CCSER1: variants seen among roughly 807,000 people sequenced by gnomAD.
CCSER1 encodes serine-rich coiled-coil domain-containing protein 1.
CCSER1 carries 41 observed loss-of-function variants against 82.0 expected under a neutral mutation model. The observed-to-expected ratio is 0.50, with a 90% CI of 0.39 to 0.65. The LOEUF is 0.65. Ranked by LOEUF, CCSER1 falls within the 30% of genes least tolerant of loss-of-function variation. The probability of loss-of-function intolerance (pLI) is 0.00; values close to 1 mark genes in which losing one functional copy is unlikely to be tolerated. For missense variants in CCSER1, 1,119 were observed against 1,064.2 expected (o/e 1.05, Z -0.72); for synonymous variants, 414 against 383.9 (o/e 1.08, Z -0.92).
intron 9 of CCSER1, among the ~76,000 whole-genome samples, chr4:90,947,595 C>T (rs928673965): frequency 8.5e-5 from 13 of 152,116 alleles, no homozygotes; most frequent in Non-Finnish European, 1.5e-4. Flanking sequence ...AGTCCTATTC[C>T]AGCTTATTTT....
At chr4:91,591,562 G>A (rs1299801735) in intron 10 of CCSER1, among the ~76,000 whole-genome samples, 2 of 152,214 alleles carry the variant, frequency 1.3e-5, no homozygotes, top group Admixed American at 1.3e-4. Context: ...GTCAGTTGCT[G>A]AGTTTTTATT....
intron 10 of CCSER1, among the ~76,000 whole-genome samples, chr4:91,236,438 A>T (rs1020190034): frequency 6.6e-6 from 1 of 151,742 alleles, no homozygotes; most frequent in African/African-American, 2.4e-5. Context: ...AGCCGAGATC[A>T]CACCACTGCA....
At chr4:91,241,443 A>C in intron 10 of CCSER1, among the ~76,000 whole-genome samples, 1 of 143,684 alleles carries the variant, frequency 7.0e-6, no homozygotes, top group African/African-American at 2.6e-5. Flanking sequence ...CTCTTGCCTC[A>C]GCCTCCCGAG....
At chr4:90,783,667 C>G (rs982751083) in intron 7 of CCSER1, among the ~76,000 whole-genome samples, 2 of 152,294 alleles carry the variant, frequency 1.3e-5, no homozygotes, top group East Asian at 1.9e-4. Context: ...GGAGAAAACA[C>G]TTTACCAGTC....
At chr4:90,932,828 CAAAAAAAA>C (rs70965459) in intron 9 of CCSER1, among the ~76,000 whole-genome samples, 1 of 25,184 alleles carries the variant, frequency 4.0e-5, no homozygotes, top group South Asian at 1.4e-3. Flanking sequence ...ACTCCGTCTC[CAAAAAAAA>C]AAAAAAAAAG....
At position 90,272,525 on chromosome 4, in the gene CCSER1, G is replaced by A. The variant is rs1440969651; in HGVS notation, c.-41-35719G>A. ...TGTTCCTCAAAAAACTAAAAATAGA[G>A]CTACCATATGACCTAGGTATCCCAC... On this transcript the variant is annotated intron_variant, in intron 1 of 10. Coordinates refer to ENST00000509176, the MANE Select transcript of CCSER1 (RefSeq NM_001145065.2). Among the ~76,000 whole-genome samples, 3 of 151,996 alleles carry A rather than the reference G, an allele frequency of 2.0e-5. No homozygotes were observed. In the East Asian group the frequency reaches 5.8e-4, roughly 29 times the overall value.
At chr4:91,046,334 A>C (rs1207995728) in intron 9 of CCSER1, among the ~76,000 whole-genome samples, 1 of 146,612 alleles carries the variant, frequency 6.8e-6, no homozygotes, top group Non-Finnish European at 1.5e-5. Flanking sequence ...ATGTATGTAT[A>C]GTTTTTCATT....
intron 10 of CCSER1, among the ~76,000 whole-genome samples, chr4:91,275,593 G>C (rs1742368147): frequency 6.6e-6 from 1 of 152,052 alleles, no homozygotes. Flanking sequence ...TTGATGAATA[G>C]TTTGCAAATA....
At chr4:90,672,752 C>A (rs11097259) in intron 6 of CCSER1, among the ~76,000 whole-genome samples, 1 of 151,756 alleles carries the variant, frequency 6.6e-6, no homozygotes, top group Non-Finnish European at 1.5e-5. Context: ...GTAACTCTTC[C>A]TTTCACTTGA....
chr4:91,012,631 C>T (rs1259637101), intron 9 of CCSER1, among the ~76,000 whole-genome samples: 1 of 147,012 alleles, frequency 6.8e-6, no homozygotes, highest in East Asian at 2.0e-4. Flanking sequence ...TCAGCAGTAG[C>T]TAAGCCTCAA....
chr4:91,177,409 T>C (rs1046642927), intron 10 of CCSER1, among the ~76,000 whole-genome samples: 1 of 152,204 alleles, frequency 6.6e-6, no homozygotes, highest in Admixed American at 6.5e-5. Context: ...AGCTCCTCTT[T>C]GTACGTCTGG....
At chr4:91,174,679 T>G (rs1213964052) in intron 10 of CCSER1, among the ~76,000 whole-genome samples, 1 of 152,164 alleles carries the variant, frequency 6.6e-6, no homozygotes, top group African/African-American at 2.4e-5. Flanking sequence ...TATCCAACTA[T>G]CTAATGTTTA....
intron 7 of CCSER1, among the ~76,000 whole-genome samples, chr4:90,739,085 C>T (rs760696168): frequency 6.6e-6 from 1 of 152,238 alleles, no homozygotes; most frequent in African/African-American, 2.4e-5. Context: ...ACACCTGAAG[C>T]CAGCATAGCT....
chr4:91,221,825 C>A (rs1581795307), intron 10 of CCSER1, among the ~76,000 whole-genome samples: 1 of 151,918 alleles, frequency 6.6e-6, no homozygotes, highest in East Asian at 1.9e-4. Flanking sequence ...TAGCTAGAGT[C>A]CAGTGTGATA....
At position 91,324,394 on chromosome 4, in the gene CCSER1, TGTCAAC is replaced by T. The variant is rs567327861; in HGVS notation, c.2217+238409_2217+238414del. 1.7e-3 allele frequency among the ~76,000 whole-genome samples: 255 copies of T among 152,298 alleles called. 1 individual carries two copies. The highest frequency in any genetic ancestry group is 5.8e-3 in the African/African-American group (240 of 41,574). ...TGTTTAGAAGAGAATTCTCGAGTGT[TGTCAAC>T]GTCAACGTGCAATACATTTGTTCAC... On this transcript the variant is annotated intron_variant, in intron 10 of 10. Coordinates refer to ENST00000509176, the MANE Select transcript of CCSER1 (RefSeq NM_001145065.2).
At chr4:91,138,958 G>A (rs942691910) in intron 10 of CCSER1, among the ~76,000 whole-genome samples, 1 of 152,130 alleles carries the variant, frequency 6.6e-6, no homozygotes, top group Non-Finnish European at 1.5e-5. Context: ...GCTGAGGTTT[G>A]GGCTATGAAT....
chr4:90,831,539 A>T (rs1170354225), intron 8 of CCSER1, among the ~76,000 whole-genome samples: 1 of 152,174 alleles, frequency 6.6e-6, no homozygotes, highest in Non-Finnish European at 1.5e-5. Context: ...TTGGCTACAT[A>T]ACTTGAGTTA....
intron 8 of CCSER1, among the ~76,000 whole-genome samples, chr4:90,859,151 G>A (rs916389466): frequency 6.6e-6 from 1 of 151,830 alleles, no homozygotes; most frequent in Admixed American, 6.6e-5. Flanking sequence ...TCCCATTCTA[G>A]TCTTACTTCT....
chr4:90,173,263 G>A (rs1266481697), intron 1 of CCSER1, among the ~76,000 whole-genome samples: 2 of 151,570 alleles, frequency 1.3e-5, no homozygotes, highest in Non-Finnish European at 2.9e-5. Context: ...TGTGGTCCAC[G>A]AATTGTTTCT....
Sources: allele counts gnomAD v4.1 joint callset (sites outside exome capture counted in the v4.1 genomes callset), GRCh38; gene constraint gnomAD v4.1.1; transcripts MANE v1.5; gene names NCBI Gene and HGNC (gene_info 2026-07-23, HGNC 2026-07-21).